TENM2: variants seen among roughly 807,000 people sequenced by gnomAD.
TENM2 encodes the protein teneurin transmembrane protein 2.
A neutral mutation model predicts 245.2 loss-of-function variants in TENM2; 52 were observed. The observed-to-expected ratio is 0.21, with a 90% confidence interval of 0.17 to 0.27. The LOEUF (loss-of-function observed/expected upper bound fraction) is 0.27. Among genes scored for constraint, TENM2 ranks in the 10% least tolerant of loss-of-function variants. The probability of loss-of-function intolerance (pLI) is 1.00; values close to 1 mark genes in which losing one functional copy is unlikely to be tolerated. For missense variants in TENM2, 3,046 were observed against 3,666.8 expected (o/e 0.83, Z 4.37); for synonymous variants, 1,363 against 1,438.9 (o/e 0.95, Z 1.19).
chr5:168,246,914 G>A (rs564852398), exon 27 of TENM2: 1 of 1,613,896 alleles, frequency 6.2e-7, no homozygotes, highest in African/African-American at 1.3e-5. Flanking sequence ...CCGCCTGAAA[G>A]CAATGCTTCG....
intron 2 of TENM2, among the ~76,000 whole-genome samples, chr5:167,472,972 C>A (rs999610763): frequency 6.6e-6 from 1 of 151,722 alleles, no homozygotes; most frequent in African/African-American, 2.4e-5. Flanking sequence ...CCCCACTGGA[C>A]AATAAACAAA....
At chr5:167,495,974 A>T (rs1310361576) in intron 2 of TENM2, among the ~76,000 whole-genome samples, 2 of 152,074 alleles carry the variant, frequency 1.3e-5, no homozygotes, top group African/African-American at 2.4e-5. Flanking sequence ...AGATTCTCTC[A>T]TGCTTTCCTC....
chr5:167,584,434 C>T (rs997671027), intron 2 of TENM2, among the ~76,000 whole-genome samples: 1 of 152,066 alleles, frequency 6.6e-6, no homozygotes, highest in African/African-American at 2.4e-5. Flanking sequence ...ACACTCTCTG[C>T]AAATGAAGAC....
chr5:167,250,601 A>G, the TENM2 span, among the ~76,000 whole-genome samples: 2 of 152,154 alleles, frequency 1.3e-5, no homozygotes, highest in Non-Finnish European at 2.9e-5. Flanking sequence ...CAGACAAGAA[A>G]GACAGTCTGA....
intron 12 of TENM2, among the ~76,000 whole-genome samples, chr5:168,140,527 T>C (rs998420534): frequency 6.6e-6 from 1 of 151,908 alleles, no homozygotes; most frequent in Middle Eastern, 3.2e-3. Flanking sequence ...TGTGTATGAG[T>C]GTATACACGT....
intron 2 of TENM2, among the ~76,000 whole-genome samples, chr5:167,460,452 A>G (rs1242592151): frequency 6.6e-6 from 1 of 152,136 alleles, no homozygotes; most frequent in Non-Finnish European, 1.5e-5. Flanking sequence ...CAGCTTAAAA[A>G]CTGTGAAGGG....
the TENM2 span, among the ~76,000 whole-genome samples, chr5:167,053,156 T>C: frequency 6.6e-6 from 1 of 152,206 alleles, no homozygotes; most frequent in African/African-American, 2.4e-5. Flanking sequence ...CTTGGCCATA[T>C]GTTAACTTTT....
At chr5:167,029,244 A>C in the TENM2 span, among the ~76,000 whole-genome samples, 2 of 152,314 alleles carry the variant, frequency 1.3e-5, no homozygotes, top group Non-Finnish European at 2.9e-5. Context: ...GCTGAGCTGA[A>C]GTACTTTCTT....
intron 1 of TENM2, among the ~76,000 whole-genome samples, chr5:167,293,483 G>C (rs1201404348): frequency 1.3e-5 from 2 of 150,796 alleles, no homozygotes; most frequent in African/African-American, 4.9e-5. Flanking sequence ...GGCTTCCAAA[G>C]TGCTGGGATT....
chr5:167,504,107 T>C (rs1247119382), intron 2 of TENM2, among the ~76,000 whole-genome samples: 2 of 152,152 alleles, frequency 1.3e-5, no homozygotes, highest in East Asian at 1.9e-4. Flanking sequence ...GTGCCTAATA[T>C]GGAACAGATG....
intron 1 of TENM2, among the ~76,000 whole-genome samples, chr5:167,304,712 C>T (rs954877411): frequency 6.6e-6 from 1 of 151,934 alleles, no homozygotes; most frequent in Non-Finnish European, 1.5e-5. Context: ...TTTGGATTTA[C>T]ATGACAGTTG....
chr5:168,238,249 G>GAA (rs1278030919), intron 25 of TENM2, among the ~76,000 whole-genome samples: 1 of 134,754 alleles, frequency 7.4e-6, no homozygotes, highest in African/African-American at 2.8e-5. Context: ...GAAAAGAAAA[G>GAA]AAAAGAAAAG....
chr5:167,932,477 C>T (rs969448822), intron 3 of TENM2, among the ~76,000 whole-genome samples: 5 of 152,076 alleles, frequency 3.3e-5, no homozygotes, highest in South Asian at 2.1e-4. Flanking sequence ...AGGGTCGAAT[C>T]GTTGTCCATG....
intron 7 of TENM2, among the ~76,000 whole-genome samples, chr5:168,079,598 C>T (rs1791797162): frequency 1.3e-5 from 2 of 152,018 alleles, no homozygotes; most frequent in Admixed American, 6.6e-5. Flanking sequence ...TTTTGAGATA[C>T]ATCCCATCAA....
chr5:167,078,628 C>G, the TENM2 span, among the ~76,000 whole-genome samples: 2,036 of 152,226 alleles, frequency 0.013, 48 homozygotes, highest in African/African-American at 0.045. Flanking sequence ...TCCTTAAAGT[C>G]TCTGTGAACA....
chr5:168,060,063 A>G (rs929955489), intron 6 of TENM2, among the ~76,000 whole-genome samples: 2 of 152,056 alleles, frequency 1.3e-5, no homozygotes, highest in Non-Finnish European at 2.9e-5. Flanking sequence ...GCAGGTAAGT[A>G]ATCAGTATCC....
chr5:167,987,979 A>G (rs1385178037), intron 4 of TENM2, among the ~76,000 whole-genome samples: 1 of 152,132 alleles, frequency 6.6e-6, no homozygotes, highest in African/African-American at 2.4e-5. Context: ...TGATAACTAA[A>G]TGGGTTTCTT....
chr5:167,267,085 A>G, the TENM2 span, among the ~76,000 whole-genome samples: 2 of 152,186 alleles, frequency 1.3e-5, no homozygotes, highest in African/African-American at 4.8e-5. Context: ...TTGAGTCACC[A>G]TAGAGAATGG....
At chr5:167,404,497 T>TC in intron 2 of TENM2, among the ~76,000 whole-genome samples, 1 of 152,070 alleles carries the variant, frequency 6.6e-6, no homozygotes, top group East Asian at 1.9e-4. Context: ...TGTAGCCCAC[T>TC]GGGGAGAGAT....
Sources: gnomAD v4.1 joint callset for allele counts (sites outside exome capture counted in the v4.1 genomes callset) on GRCh38, gnomAD v4.1.1 for gene constraint, MANE v1.5 for transcripts, NCBI Gene and HGNC (gene_info 2026-07-23, HGNC 2026-07-21) for gene names.